FBXO36: variants seen among roughly 807,000 people sequenced by gnomAD.
FBXO36 encodes F-box protein 36, also known as F-box only protein 36.
In FBXO36, 18 loss-of-function variants were observed where a neutral mutation model predicts 17.0. The observed-to-expected ratio is 1.06, with a 90% CI of 0.73 to 1.57. FBXO36 has a LOEUF of 1.57. Among genes scored for constraint, FBXO36 ranks in the 40% most tolerant of loss-of-function variants. The pLI is 0.00. For missense variants in FBXO36, 229 were observed against 221.9 expected (o/e 1.03, Z -0.20); for synonymous variants, 83 against 85.3 (o/e 0.97, Z 0.15).
intron 1 of FBXO36, among the ~76,000 whole-genome samples, chr2:229,948,920 G>C: frequency 6.6e-6 from 1 of 152,120 alleles, no homozygotes; most frequent in East Asian, 1.9e-4. Flanking sequence ...TGCAGCCTTC[G>C]CCTCCCGAGT....
At chr2:230,007,383 T>C (rs915142550) in intron 3 of FBXO36, among the ~76,000 whole-genome samples, 3 of 152,164 alleles carry the variant, frequency 2.0e-5, no homozygotes, top group African/African-American at 4.8e-5. Flanking sequence ...TTGTTGGCTG[T>C]GGAGAGAGAG....
chr2:229,966,625 TG>T (rs1345570604), intron 1 of FBXO36, among the ~76,000 whole-genome samples: 1 of 152,218 alleles, frequency 6.6e-6, no homozygotes, highest in Non-Finnish European at 1.5e-5. Context: ...CAGCACCATT[TG>T]TTAAATAGGG....
At chr2:229,979,342 G>T (rs1161779753) in intron 2 of FBXO36, among the ~76,000 whole-genome samples, 1 of 151,008 alleles carries the variant, frequency 6.6e-6, no homozygotes, top group Non-Finnish European at 1.5e-5. Flanking sequence ...AATATATATA[G>T]TGTGTGTGTA....
intron 1 of FBXO36, among the ~76,000 whole-genome samples, chr2:229,962,740 C>T (rs920873259): frequency 1.5e-4 from 23 of 149,404 alleles, no homozygotes; most frequent in South Asian, 8.5e-4. Flanking sequence ...TGCAGTGGTG[C>T]GATCTCGGCT....
chr2:229,926,530 G>A (rs1047287095), intron 1 of FBXO36, among the ~76,000 whole-genome samples: 16 of 151,464 alleles, frequency 1.1e-4, no homozygotes, highest in Non-Finnish European at 1.5e-4. Flanking sequence ...GATCACTTGA[G>A]GTCAGGAATT....
At chr2:229,943,206 G>C (rs2077009056) in intron 1 of FBXO36, 1 of 152,476 alleles carries the variant, frequency 6.6e-6, no homozygotes, top group South Asian at 2.1e-4. Context: ...TGAAAGAGAG[G>C]TGGGGCCTCT....
chr2:230,008,427 T>C (rs2077398426), intron 3 of FBXO36, among the ~76,000 whole-genome samples: 1 of 152,166 alleles, frequency 6.6e-6, no homozygotes. Context: ...ACCTTTCGTT[T>C]TGCAACCTGG....
intron 3 of FBXO36, among the ~76,000 whole-genome samples, chr2:229,998,429 C>T (rs1265888870): frequency 1.3e-5 from 2 of 152,106 alleles, no homozygotes; most frequent in African/African-American, 4.8e-5. Context: ...TTGAGACCAG[C>T]CTGACCAGCA....
chr2:229,974,913 G>A (rs973029918), intron 1 of FBXO36, among the ~76,000 whole-genome samples: 8 of 152,086 alleles, frequency 5.3e-5, no homozygotes, highest in South Asian at 2.1e-4. Flanking sequence ...CAGTGTGACT[G>A]TATTTCCCAT....
intron 1 of FBXO36, among the ~76,000 whole-genome samples, chr2:229,947,526 C>T (rs2077033609): frequency 6.6e-6 from 1 of 152,230 alleles, no homozygotes; most frequent in African/African-American, 2.4e-5. Context: ...ATCACATCGA[C>T]ACCAGCATCT....
chr2:229,987,202 A>T (rs1178522984), intron 2 of FBXO36, among the ~76,000 whole-genome samples: 1 of 147,504 alleles, frequency 6.8e-6, no homozygotes, highest in African/African-American at 2.5e-5. Flanking sequence ...ACAGAGCGAG[A>T]CTCCATCTCA....
At chr2:229,988,868 A>C (rs1440900590) in intron 2 of FBXO36, among the ~76,000 whole-genome samples, 1 of 125,750 alleles carries the variant, frequency 8.0e-6, no homozygotes, top group African/African-American at 2.9e-5. Context: ...ACCGCATAGT[A>C]TTTATGCTTT....
chr2:229,967,462 CA>C (rs2077159215), intron 1 of FBXO36, among the ~76,000 whole-genome samples: 1 of 152,164 alleles, frequency 6.6e-6, no homozygotes, highest in Non-Finnish European at 1.5e-5. Flanking sequence ...TGCCAGTTTC[CA>C]AAGGGAATGC....
intron 3 of FBXO36, among the ~76,000 whole-genome samples, chr2:230,004,322 G>A (rs1186843534): frequency 6.6e-6 from 1 of 152,144 alleles, no homozygotes; most frequent in East Asian, 1.9e-4. Context: ...TTAACAGAGT[G>A]TCTAGCCCAG....
intron 2 of FBXO36, 186 bp downstream of exon 2, chr2:229,976,535 A>G (rs1456968198): frequency 7.8e-6 from 4 of 513,618 alleles, no homozygotes. Flanking sequence ...ACATATTAGC[A>G]TTTGGCCGGG....
intron 1 of FBXO36, among the ~76,000 whole-genome samples, chr2:229,956,573 C>T (rs955986878): frequency 6.6e-6 from 1 of 152,156 alleles, no homozygotes; most frequent in Non-Finnish European, 1.5e-5. Context: ...GAACAGGTGA[C>T]AACTCGTGAC....
chr2:229,943,514 A>T (rs1246288027), intron 1 of FBXO36, among the ~76,000 whole-genome samples: 1 of 152,090 alleles, frequency 6.6e-6, no homozygotes, highest in Non-Finnish European at 1.5e-5. Context: ...CCAAGTTAAT[A>T]GATGTTTGGA....
chr2:229,953,041 A>C (rs780333016), intron 1 of FBXO36, among the ~76,000 whole-genome samples: 18 of 151,776 alleles, frequency 1.2e-4, no homozygotes, highest in Non-Finnish European at 2.4e-4. Flanking sequence ...TGTATTGCCT[A>C]TTTGAAAAGA....
At chr2:229,965,240 A>G (rs1407672830) in intron 1 of FBXO36, among the ~76,000 whole-genome samples, 1 of 144,902 alleles carries the variant, frequency 6.9e-6, no homozygotes, top group African/African-American at 2.6e-5. Flanking sequence ...TCAGCCTCCC[A>G]AAGTGTTGGG....
Sources: gnomAD v4.1 joint callset for allele counts (sites outside exome capture counted in the v4.1 genomes callset) on GRCh38, gnomAD v4.1.1 for gene constraint, MANE v1.5 for transcripts, NCBI Gene and HGNC (gene_info 2026-07-23, HGNC 2026-07-21) for gene names.